CCDC146: variants seen among roughly 807,000 people sequenced by gnomAD.
CCDC146 encodes coiled-coil domain containing 146.
CCDC146 carries 92 observed loss-of-function variants against 119.3 expected under a neutral mutation model. The observed-to-expected ratio is 0.77, with a 90% confidence interval of 0.65 to 0.92. CCDC146 has a LOEUF of 0.92. Among genes scored for constraint, CCDC146 ranks in the 40% least tolerant of loss-of-function variants. The pLI is 0.00. For missense variants in CCDC146, 1,000 were observed against 1,103.0 expected (o/e 0.91, Z 1.32); for synonymous variants, 372 against 371.8 (o/e 1.00, Z -0.01).
At chr7:77,144,180 T>A (rs1562814393) in intron 1 of CCDC146, among the ~76,000 whole-genome samples, 2 of 151,704 alleles carry the variant, frequency 1.3e-5, no homozygotes, top group African/African-American at 2.4e-5. Context: ...TTGAAGCAAT[T>A]GTGAATGGGA....
At chr7:77,134,490 T>C (rs571871233) in intron 1 of CCDC146, among the ~76,000 whole-genome samples, 48 of 152,190 alleles carry the variant, frequency 3.2e-4, no homozygotes, top group Non-Finnish European at 5.6e-4. Flanking sequence ...TTGTTCAACA[T>C]TGTTTTATAG....
At chr7:77,181,116 G>T (rs1791580339) in intron 2 of CCDC146, among the ~76,000 whole-genome samples, 1 of 152,200 alleles carries the variant, frequency 6.6e-6, no homozygotes. Context: ...GACACATCAT[G>T]TTATAGTGGT....
chr7:77,255,290 A>T (rs1204558477), intron 5 of CCDC146: 1 of 152,202 alleles, frequency 6.6e-6, no homozygotes, highest in Admixed American at 6.5e-5. Flanking sequence ...TCTTAATGGG[A>T]AGAAGGATCA....
Position 77,213,029 on chromosome 7 carries a change from T to C in CCDC146, c.157-23918T>C, listed in dbSNP as rs1266184733. Among the ~76,000 whole-genome samples the C allele has an allele frequency of 1.4e-4, 21 of 152,054 alleles. No individual in the cohort carries two copies. In the East Asian group the frequency reaches 4.1e-3, roughly 29 times the overall value. The stretch of plus-strand genomic sequence containing the variant: ...TTGTTTTTTGTTGTTGTTCAAGTTT[T>C]TATTAAATTTTTTATTGTCACATGT... On this transcript the variant is annotated intron_variant, in intron 2 of 18. Transcript: ENST00000285871.
At chr7:77,227,584 C>T (rs1283013453) in intron 2 of CCDC146, among the ~76,000 whole-genome samples, 3 of 152,146 alleles carry the variant, frequency 2.0e-5, no homozygotes, top group Admixed American at 6.6e-5. Context: ...GCATTACAGG[C>T]GTGAGCCACG....
intron 2 of CCDC146, chr7:77,199,883 C>T (rs1791954807): frequency 1.4e-6 from 2 of 1,465,210 alleles, no homozygotes; most frequent in African/African-American, 1.4e-5. Context: ...TTCTGTGTTC[C>T]CAGGAAAGGG....
chr7:77,250,854 G>A (rs188213575), intron 4 of CCDC146, among the ~76,000 whole-genome samples: 4 of 147,702 alleles, frequency 2.7e-5, no homozygotes, highest in African/African-American at 9.9e-5. Flanking sequence ...TCCAGTTTGG[G>A]TAGTGTCTAG....
chr7:77,292,301 AT>A (rs35258178), intron 17 of CCDC146, among the ~76,000 whole-genome samples: 92,150 of 132,502 alleles, frequency 0.7, 32,269 homozygotes, highest in East Asian at 0.89. Flanking sequence ...CTTTATTTTA[AT>A]TTTTTTTTTT....
At chr7:77,238,669 G>C (rs143480072) in intron 3 of CCDC146, among the ~76,000 whole-genome samples, 1 of 152,022 alleles carries the variant, frequency 6.6e-6, no homozygotes, top group Admixed American at 6.6e-5. Context: ...CTCACGCCTC[G>C]GCCTCCCAAA....
At chr7:77,290,018 T>C (rs997744179) in intron 17 of CCDC146, among the ~76,000 whole-genome samples, 1 of 152,084 alleles carries the variant, frequency 6.6e-6, no homozygotes, top group African/African-American at 2.4e-5. Flanking sequence ...ATAGACTGGA[T>C]TAAGCAAATG....
At chr7:77,268,776 T>G (rs990693747) in intron 9 of CCDC146, among the ~76,000 whole-genome samples, 1 of 152,214 alleles carries the variant, frequency 6.6e-6, no homozygotes, top group Admixed American at 6.5e-5. Context: ...GATATGGAAT[T>G]TTAGGTTGGA....
chr7:77,288,182 C>A (rs185956048), intron 17 of CCDC146, among the ~76,000 whole-genome samples: 28 of 152,306 alleles, frequency 1.8e-4, no homozygotes, highest in African/African-American at 6.7e-4. Flanking sequence ...GCCAGCAGAG[C>A]CCCTAGAAGT....
chr7:77,161,398 C>T (rs1399771296), intron 1 of CCDC146, among the ~76,000 whole-genome samples: 2 of 151,608 alleles, frequency 1.3e-5, no homozygotes, highest in Non-Finnish European at 2.9e-5. Context: ...AAATGTCCAA[C>T]AATGATAGAC....
intron 2 of CCDC146, among the ~76,000 whole-genome samples, chr7:77,229,569 T>C (rs561296725): frequency 7.4e-4 from 112 of 152,380 alleles, no homozygotes; most frequent in African/African-American, 2.5e-3. Context: ...ATTTACTGAA[T>C]AGGGAGTCTT....
intron 1 of CCDC146, among the ~76,000 whole-genome samples, chr7:77,158,873 T>C (rs1254812238): frequency 6.6e-6 from 1 of 152,222 alleles, no homozygotes; most frequent in East Asian, 1.9e-4. Flanking sequence ...TTCCTGCCTA[T>C]TTAATTAGAT....
intron 18 of CCDC146, 120 bp from the exon 19 acceptor site, chr7:77,294,543 G>A (rs1794011564): frequency 2.6e-6 from 2 of 772,002 alleles, no homozygotes; most frequent in South Asian, 1.7e-5. Flanking sequence ...CATCCCTTTG[G>A]GGAGTATCAG....
intron 2 of CCDC146, among the ~76,000 whole-genome samples, chr7:77,218,474 G>C (rs2150458305): frequency 6.6e-6 from 1 of 151,944 alleles, no homozygotes; most frequent in East Asian, 1.9e-4. Flanking sequence ...TTTTTAAAAG[G>C]GTACTCTTAT....
chr7:77,266,047 C>T (rs981615979), intron 9 of CCDC146, among the ~76,000 whole-genome samples: 2 of 152,156 alleles, frequency 1.3e-5, no homozygotes, highest in African/African-American at 4.8e-5. Context: ...AAACATGGCT[C>T]TTATTGACTT....
At chr7:77,183,212 T>TA (rs1791616064) in intron 2 of CCDC146, among the ~76,000 whole-genome samples, 1 of 151,916 alleles carries the variant, frequency 6.6e-6, no homozygotes. Context: ...AGGCTATATA[T>TA]TTCTTCTCTG....
Sources: allele counts gnomAD v4.1 joint callset (sites outside exome capture counted in the v4.1 genomes callset), GRCh38; gene constraint gnomAD v4.1.1; transcripts MANE v1.5; gene names NCBI Gene and HGNC (gene_info 2026-07-23, HGNC 2026-07-21).